Variants in ADGRG5 observed in about 807,000 individuals in gnomAD.
ADGRG5 encodes the protein adhesion G protein-coupled receptor G5, also known as G protein-coupled receptor 114.
A neutral mutation model predicts 53.2 loss-of-function variants in ADGRG5; 37 were observed. The observed-to-expected ratio is 0.70, with a 90% CI of 0.53 to 0.91. The LOEUF is 0.91. Among genes scored for constraint, ADGRG5 ranks in the 40% least tolerant of loss-of-function variants. The pLI, the probability that ADGRG5 is intolerant of heterozygous loss-of-function variation, is 0.00. For synonymous variants in ADGRG5, 277 were observed against 290.4 expected, an observed-to-expected ratio of 0.95 and a Z score of 0.47; for missense variants, 614 against 675.8, an observed-to-expected ratio of 0.91 and a Z score of 1.01.
chr16:57,533,887 G>A, the ADGRG5 span, among the ~76,000 whole-genome samples: 2 of 152,156 alleles, frequency 1.3e-5, no homozygotes, highest in African/African-American at 4.8e-5. Flanking sequence ...CTCTTGCCAT[G>A]GGGTGTCTAT....
chr16:57,556,389 T>G (rs1374785775), intron 1 of ADGRG5, among the ~76,000 whole-genome samples: 2 of 152,250 alleles, frequency 1.3e-5, no homozygotes, highest in Non-Finnish European at 2.9e-5. Flanking sequence ...TTTCTTTTTC[T>G]TCTTGTCCTG....
rs2033501963 is a variant in ADGRG5 at position 57,575,798 on chromosome 16, CAGGGAT to C, written c.*261_*266del. ...GTCCTGGTACCTGGGCCCAGCTCGC[CAGGGAT>C]GTGGGCAGAGCACCAGCCTGGGCAT... On this transcript the variant is annotated 3_prime_UTR_variant, in exon 12 of 12. Coordinates refer to ENST00000349457, the MANE Select transcript of ADGRG5 (RefSeq NM_001304376.3). 4.2e-6 allele frequency: 2 copies of C among 474,890 alleles called. No homozygotes were observed. Among genetic ancestry groups the C allele is most frequent in the Non-Finnish European group, 7.7e-6 (2 of 258,592 alleles). 29.4% of individuals were successfully genotyped at this position (474,890 alleles called of 1,614,324 possible).
At chr16:57,562,949 A>T (rs2033038154) in intron 3 of ADGRG5, 142 bp from the exon 4 acceptor site, 3 of 727,748 alleles carry the variant, frequency 4.1e-6, no homozygotes, top group Non-Finnish European at 7.1e-6. Flanking sequence ...TGTGCCAAGG[A>T]CACTGTGTGT....
intron 10 of ADGRG5, among the ~76,000 whole-genome samples, chr16:57,573,167 C>T (rs1031497764): frequency 2.6e-5 from 4 of 151,992 alleles, no homozygotes; most frequent in Non-Finnish European, 2.9e-5. Context: ...CATGGTGGCT[C>T]GTGCCTGTAA....
At chr16:57,535,282 G>T in the ADGRG5 span, among the ~76,000 whole-genome samples, 2 of 152,182 alleles carry the variant, frequency 1.3e-5, no homozygotes, top group Non-Finnish European at 2.9e-5. Context: ...TAGGCCTCCA[G>T]GCTGGACCTA....
intron 1 of ADGRG5, among the ~76,000 whole-genome samples, chr16:57,559,869 TA>T (rs1316379853): frequency 1.3e-5 from 2 of 152,196 alleles, no homozygotes; most frequent in African/African-American, 2.4e-5. Flanking sequence ...TTTACACAAT[TA>T]AAAAAACTCC....
At chr16:57,561,064 C>G (rs2032989131) in intron 1 of ADGRG5, among the ~76,000 whole-genome samples, 2 of 152,238 alleles carry the variant, frequency 1.3e-5, no homozygotes, top group Admixed American at 1.3e-4. Context: ...CAGGCATGAG[C>G]CGCCATGCCT....
chr16:57,567,619 G>C (rs1367978098), intron 8 of ADGRG5, 28 bp downstream of exon 8: 1 of 1,604,006 alleles, frequency 6.2e-7, no homozygotes, highest in Non-Finnish European at 8.5e-7. Context: ...TGCTGGGCCT[G>C]CCCTGCACTG....
chr16:57,552,591 G>A (rs1234232428), intron 1 of ADGRG5, among the ~76,000 whole-genome samples: 3 of 152,162 alleles, frequency 2.0e-5, no homozygotes, highest in African/African-American at 7.2e-5. Context: ...ACTAGGCTTT[G>A]GCTTAAGGGA....
intron 6 of ADGRG5, chr16:57,566,209 G>T: frequency 5.9e-6 from 1 of 169,374 alleles, no homozygotes; most frequent in Non-Finnish European, 1.3e-5. Flanking sequence ...CCAGGCGTGG[G>T]TCTGAGCACA....
intron 1 of ADGRG5, among the ~76,000 whole-genome samples, chr16:57,547,083 G>A (rs2032636831): frequency 6.6e-6 from 1 of 152,070 alleles, no homozygotes; most frequent in Non-Finnish European, 1.5e-5. Flanking sequence ...TTTGCAATGT[G>A]CTTTCTGTCT....
rs1164270374 is a variant in ADGRG5, at chr16:57,566,730, C to T, written c.678C>T (p.Leu226=). 1 of 1,558,606 alleles carries T rather than the reference C, an allele frequency of 6.4e-7. No homozygotes were observed. The highest frequency in any genetic ancestry group is 8.7e-7 in the Non-Finnish European group (1 of 1,152,700). ...HSQVLCRCNH[L]TYFAVLMQLS... ...AGGTGCTCTGCCGCTGCAACCACCT[C>T]ACCTACTTTGCTGTTCTCATGGTAT... Residue 226 remains leucine, a synonymous_variant, in exon 7 of 12, where the codon CTC becomes CTT. Coordinates refer to ENST00000349457, the MANE Select transcript of ADGRG5 (RefSeq NM_001304376.3).
At chr16:57,550,871 T>TA (rs1156878502) in intron 1 of ADGRG5, among the ~76,000 whole-genome samples, 1 of 152,032 alleles carries the variant, frequency 6.6e-6, no homozygotes, top group African/African-American at 2.4e-5. Flanking sequence ...CTACTAAAAA[T>TA]ACAAAAATTA....
upstream of ADGRG5, among the ~76,000 whole-genome samples, chr16:57,539,681 G>A (rs952117653): frequency 2.0e-5 from 3 of 151,338 alleles, no homozygotes; most frequent in African/African-American, 7.3e-5. Context: ...TCGAACTCCT[G>A]GGCTCAAGTA....
At chr16:57,529,372 G>A in the ADGRG5 span, 7 of 647,704 alleles carry the variant, frequency 1.1e-5, 1 homozygote, top group South Asian at 1.5e-4. The surrounding 1 kb of genome is among the most constrained non-coding windows in gnomAD (Gnocchi z 4.1). Flanking sequence ...CGTCAGTCTC[G>A]AAGATCAGCC....
chr16:57,554,916 C>CTTGTGTTTTATAATT (rs2032847619), intron 1 of ADGRG5, among the ~76,000 whole-genome samples: 1 of 151,394 alleles, frequency 6.6e-6, no homozygotes, highest in Admixed American at 6.6e-5. Flanking sequence ...GTGATTTTGT[C>CTTGTGTTTTATAATT]TCTGACTCAT....
chr16:57,563,091 T>G lies in ADGRG5; in HGVS notation c.141T>G (p.Arg47=). ...CCCTGGCCATCTCTCTGGGCTGCAG[T>G]CAACTCCACCAGCTGGAGCAGATGC... ...SRGRSSVFSS[R]QLHQLEQMLL... The change falls in exon 4 of 12, where the codon CGT becomes CGG. Residue 47 remains arginine (R), a splice_region_variant and synonymous_variant. Transcript: ENST00000349457. 1 of 1,614,086 alleles carries G rather than the reference T, an allele frequency of 6.2e-7. No individual in the cohort carries two copies. Among genetic ancestry groups the G allele is most frequent in the Non-Finnish European group, 8.5e-7 (1 of 1,180,014 alleles).
the ADGRG5 span, among the ~76,000 whole-genome samples, chr16:57,534,980 G>A: frequency 6.6e-6 from 1 of 152,230 alleles, no homozygotes; most frequent in Non-Finnish European, 1.5e-5. Context: ...GGGGCCAGCT[G>A]AAGGGATGGG....
chr16:57,540,148 CAGG>C (rs2032468961), upstream of ADGRG5, among the ~76,000 whole-genome samples: 1 of 152,092 alleles, frequency 6.6e-6, no homozygotes, highest in African/African-American at 2.4e-5. Context: ...GAGGCTGAGG[CAGG>C]AGAATAGCTT....
Sources: gnomAD v4.1 joint callset for allele counts (sites outside exome capture counted in the v4.1 genomes callset) on GRCh38, gnomAD v4.1.1 for gene constraint, Gnocchi (gnomAD v3.1) non-coding constraint, MANE v1.5 for transcripts, NCBI Gene and HGNC (gene_info 2026-07-23, HGNC 2026-07-21) for gene names.